Variants in PLB1 observed in about 807,000 individuals in gnomAD.
PLB1 encodes the protein phospholipase B1, membrane-associated.
In PLB1, 242 loss-of-function variants were observed where a neutral mutation model predicts 227.4. That is an observed-to-expected ratio of 1.06 (90% confidence interval 0.96 to 1.18). The LOEUF (loss-of-function observed/expected upper bound fraction) is 1.18. Ranked by LOEUF, PLB1 falls within the 50% of genes most tolerant of loss-of-function variation. PLB1 has a pLI of 0.00. For synonymous variants in PLB1, 757 were observed against 682.2 expected (o/e 1.11, Z -1.71); for missense variants, 1,858 against 1,816.3 (o/e 1.02, Z -0.42).
At chr2:28,595,880 C>G (rs376716958) in intron 33 of PLB1, 114 of 152,182 alleles carry the variant, frequency 7.5e-4, no homozygotes, top group African/African-American at 2.7e-3. Flanking sequence ...AGAAGAGGCT[C>G]GGCTGTGAAT....
chr2:28,533,576 A>G (rs1035187530), intron 9 of PLB1, among the ~76,000 whole-genome samples: 1 of 152,260 alleles, frequency 6.6e-6, no homozygotes, highest in East Asian at 1.9e-4. Context: ...ATATTGCTGC[A>G]TTCTTCTATG....
Position 28,607,624 on chromosome 2 carries a change from G to C in PLB1, c.3129+1057G>C, listed in dbSNP as rs556147021. On this transcript the variant is annotated intron_variant, in intron 43 of 57. Transcript: ENST00000327757. ...AGCTAGTGCAACACAGATGCCTCTA[G>C]TCCAGGTGGTCAGGTGCTGGCCAAA... Among the ~76,000 whole-genome samples, 3 of 152,262 alleles carry C rather than the reference G, an allele frequency of 2.0e-5. No homozygotes were observed. In the South Asian group the frequency reaches 6.2e-4, roughly 32 times the overall value.
chr2:28,633,296 G>A (rs746471363), intron 56 of PLB1: 10 of 464,902 alleles, frequency 2.2e-5, no homozygotes, highest in Admixed American at 4.0e-5. Flanking sequence ...CAGGTACTGC[G>A]AGGGGATCCC....
intron 35 of PLB1, among the ~76,000 whole-genome samples, chr2:28,599,974 C>G (rs1683605210): frequency 6.6e-6 from 1 of 152,114 alleles, no homozygotes; most frequent in African/African-American, 2.4e-5. Flanking sequence ...ATGGCATGAT[C>G]TCAGTTCACT....
At chr2:28,591,523 T>C (rs1318846751) in intron 30 of PLB1, among the ~76,000 whole-genome samples, 177 bp from the exon 31 acceptor site, 1 of 152,244 alleles carries the variant, frequency 6.6e-6, no homozygotes, top group Non-Finnish European at 1.5e-5. Flanking sequence ...TGGACCTCGA[T>C]CTGTGGCCGC....
Position 28,585,469 on chromosome 2 carries a change from G to T in PLB1, c.1734-292G>T, listed in dbSNP as rs573903918. 5.2e-4 allele frequency: 161 copies of T among 307,188 alleles called. 1 individual carries two copies. The highest frequency in any genetic ancestry group is 6.7e-4 in the Non-Finnish European group (106 of 157,382). 19.0% of individuals were successfully genotyped at this position (307,188 alleles called of 1,614,324 possible). On this transcript the variant is annotated intron_variant, in intron 25 of 57. Transcript: ENST00000327757. ...AGTTTGTATTTTTAGTAGAGACGGG[G>T]TTTCGCTATGTCAGCCAGCCTGGTC...
intron 56 of PLB1, 26 bp from the exon 57 acceptor site, chr2:28,640,901 T>C: frequency 6.2e-7 from 1 of 1,602,490 alleles, no homozygotes. Flanking sequence ...TTGGAGAGAA[T>C]CGAGGTGTCC....
rs766452546 is a variant in PLB1, at chr2:28,640,931, A to T, written c.4103A>T (p.Glu1368Val). Residue 1368 changes from glutamate to valine, a missense_variant, in exon 57 of 58, where the codon GAA (glutamate) becomes GTA (valine). Transcript: ENST00000327757. ...GTGTCCTTTCTCTCTCTCCAGCTGGAACCAGTGGGCCGCAAGACTACCTCC... is the reference window on the plus strand; with the variant it reads ...GTGTCCTTTCTCTCTCTCCAGCTGGTACCAGTGGGCCGCAAGACTACCTCC... ...MAIALWNNML[E>V]PVGRKTTSNN... 11 of 1,613,534 alleles carry T rather than the reference A, an allele frequency of 6.8e-6. No individual in the cohort carries two copies. The highest frequency in any genetic ancestry group is 9.3e-6 in the Non-Finnish European group (11 of 1,179,692).
intron 1 of PLB1, among the ~76,000 whole-genome samples, chr2:28,511,007 C>A (rs974031781): frequency 6.6e-6 from 1 of 152,094 alleles, no homozygotes; most frequent in Non-Finnish European, 1.5e-5. Context: ...CCAACACTAG[C>A]TTGTGGATTA....
chr2:28,559,234 C>T (rs941068208), intron 17 of PLB1, among the ~76,000 whole-genome samples: 3 of 152,218 alleles, frequency 2.0e-5, no homozygotes, highest in Admixed American at 6.5e-5. Flanking sequence ...ACTGGACTGG[C>T]AGCATCAGCA....
At chr2:28,542,003 G>T (rs1375860650) in intron 13 of PLB1, among the ~76,000 whole-genome samples, 192 bp downstream of exon 13, 1 of 152,044 alleles carries the variant, frequency 6.6e-6, no homozygotes, top group Non-Finnish European at 1.5e-5. Flanking sequence ...CATGATGGTG[G>T]GCGCCTGTAA....
intron 33 of PLB1, 143 bp downstream of exon 33, chr2:28,593,897 G>A: frequency 1.3e-6 from 1 of 760,774 alleles, no homozygotes; most frequent in South Asian, 1.5e-5. Context: ...ATATATTTCT[G>A]CAAAATGTGA....
At chr2:28,558,650 G>A (rs1432840625) in intron 17 of PLB1, among the ~76,000 whole-genome samples, 1 of 152,070 alleles carries the variant, frequency 6.6e-6, no homozygotes, top group South Asian at 2.1e-4. Flanking sequence ...ATGTGGAAGG[G>A]TGCATGTGTG....
intron 12 of PLB1, 60 bp downstream of exon 12, chr2:28,540,501 G>A: frequency 4.3e-6 from 6 of 1,404,552 alleles, no homozygotes; most frequent in Non-Finnish European, 6.0e-6. Flanking sequence ...TCGCCAAGGA[G>A]AACAGGAGTG....
chr2:28,584,993 A>G (rs184205720), intron 25 of PLB1, among the ~76,000 whole-genome samples: 1 of 152,326 alleles, frequency 6.6e-6, no homozygotes, highest in African/African-American at 2.4e-5. Context: ...TGAGAATACC[A>G]CTTCTAGAAT....
chr2:28,519,875 G>A lies in PLB1; in HGVS notation c.243+112G>A, dbSNP rs1366729200. 35 of 593,452 alleles carry A rather than the reference G, an allele frequency of 5.9e-5. No individual in the cohort carries two copies. The South Asian group carries it at 8.0e-4, about 14-fold the overall frequency. The allele number at this position is 593,452 out of a possible 1,614,324, so 36.8% of individuals were successfully genotyped here. ...TTCATTTTGGGAGAGAACATCATGT[G>A]AACTAGATAAATCCAGGAGGTTGAA... is the stretch of plus-strand genomic sequence containing the variant. On this transcript the variant is annotated intron_variant, in intron 4 of 57. Transcript: ENST00000327757.
intron 6 of PLB1, among the ~76,000 whole-genome samples, chr2:28,527,029 G>T (rs1012325126): frequency 6.6e-6 from 1 of 152,202 alleles, no homozygotes; most frequent in Non-Finnish European, 1.5e-5. Context: ...TACCAACTCC[G>T]TGGCTATCAC....
chr2:28,568,692 C>T (rs1677483498), intron 20 of PLB1, among the ~76,000 whole-genome samples: 1 of 152,148 alleles, frequency 6.6e-6, no homozygotes, highest in Non-Finnish European at 1.5e-5. Flanking sequence ...AAGACAGACA[C>T]ATGACTAATA....
At chr2:28,564,288 A>G (rs1357505236) in intron 18 of PLB1, among the ~76,000 whole-genome samples, 1 of 152,188 alleles carries the variant, frequency 6.6e-6, no homozygotes, top group African/African-American at 2.4e-5. Context: ...GAAGTGCCTA[A>G]GGTCACACAG....
Sources: allele counts gnomAD v4.1 joint callset (sites outside exome capture counted in the v4.1 genomes callset), GRCh38; gene constraint gnomAD v4.1.1; transcripts MANE v1.5; gene names NCBI Gene and HGNC (gene_info 2026-07-23, HGNC 2026-07-21).